ANO6: variants seen among roughly 807,000 people sequenced by gnomAD.
ANO6 encodes the protein anoctamin-6.
In ANO6, 106 loss-of-function variants were observed where a neutral mutation model predicts 117.5. That is an observed-to-expected ratio of 0.90 (90% CI 0.77 to 1.06). The LOEUF (loss-of-function observed/expected upper bound fraction) is 1.06. Ranked by LOEUF, ANO6 falls within the 50% of genes least tolerant of loss-of-function variation. The probability of loss-of-function intolerance (pLI) is 0.00; values close to 1 mark genes in which losing one functional copy is unlikely to be tolerated. For missense variants in ANO6, 955 were observed against 1,121.1 expected, an observed-to-expected ratio of 0.85 and a Z score of 2.12; for synonymous variants, 367 against 385.1, an observed-to-expected ratio of 0.95 and a Z score of 0.55.
At chr12:45,347,257 T>A (rs1941159870) in intron 4 of ANO6, 170 bp downstream of exon 4, 2 of 627,366 alleles carry the variant, frequency 3.2e-6, no homozygotes, top group Admixed American at 2.7e-5. Flanking sequence ...ATTCTTTTTT[T>A]CTGATCAAAA....
intron 1 of ANO6, among the ~76,000 whole-genome samples, chr12:45,244,376 G>A (rs1947790529): frequency 7.2e-6 from 1 of 138,808 alleles, no homozygotes; most frequent in Non-Finnish European, 1.6e-5. Context: ...TGCCCAAGCA[G>A]CGGTTACTAC....
At chr12:45,380,676 G>A (rs1025653187) in intron 10 of ANO6, among the ~76,000 whole-genome samples, 4 of 152,180 alleles carry the variant, frequency 2.6e-5, no homozygotes, top group African/African-American at 9.7e-5. Flanking sequence ...CCTTGAATTA[G>A]GAGGTTGGAA....
chr12:45,319,124 T>C (rs576802598), intron 2 of ANO6, among the ~76,000 whole-genome samples: 1 of 152,324 alleles, frequency 6.6e-6, no homozygotes, highest in East Asian at 1.9e-4. Flanking sequence ...TCCTGCCTGA[T>C]TGCCCTGGCC....
chr12:45,369,236 TA>T (rs773577618), intron 9 of ANO6, among the ~76,000 whole-genome samples: 13 of 152,138 alleles, frequency 8.5e-5, no homozygotes, highest in Non-Finnish European at 1.8e-4. Context: ...GACTTGAAGC[TA>T]GTAAGAGGGA....
chr12:45,398,531 A>G (rs1942692558), intron 12 of ANO6, among the ~76,000 whole-genome samples: 1 of 152,212 alleles, frequency 6.6e-6, no homozygotes, highest in Admixed American at 6.5e-5. Flanking sequence ...AGGACTTTCA[A>G]TCAGGAAATA....
chr12:45,220,752 T>C (rs1304586400), intron 1 of ANO6, among the ~76,000 whole-genome samples: 2 of 152,194 alleles, frequency 1.3e-5, no homozygotes, highest in African/African-American at 4.8e-5. Context: ...TGGCAGCCCC[T>C]AGGTAGCTTC....
At chr12:45,274,595 G>A (rs1938489524) in intron 1 of ANO6, among the ~76,000 whole-genome samples, 1 of 152,068 alleles carries the variant, frequency 6.6e-6, no homozygotes, top group Non-Finnish European at 1.5e-5. Flanking sequence ...TCATAGAACA[G>A]TCACAGTGAT....
At chr12:45,266,286 T>C (rs1477530091) in intron 1 of ANO6, among the ~76,000 whole-genome samples, 2 of 152,164 alleles carry the variant, frequency 1.3e-5, no homozygotes, top group African/African-American at 4.8e-5. Context: ...ATCTCTAAAC[T>C]CCAGTTTTTA....
chr12:45,375,852 A>C (rs1175364586), intron 9 of ANO6, among the ~76,000 whole-genome samples: 1 of 149,856 alleles, frequency 6.7e-6, no homozygotes, highest in Admixed American at 6.6e-5. Flanking sequence ...AAAATTGACA[A>C]ATGGGATCTA....
At chr12:45,316,035 A>G (rs531306929) in intron 2 of ANO6, among the ~76,000 whole-genome samples, 13 of 152,198 alleles carry the variant, frequency 8.5e-5, no homozygotes, top group African/African-American at 3.1e-4. Context: ...ATTCCTTTAA[A>G]AATAAAAATC....
At chr12:45,235,547 A>G (rs1385067157) in intron 1 of ANO6, among the ~76,000 whole-genome samples, 2 of 152,168 alleles carry the variant, frequency 1.3e-5, no homozygotes, top group African/African-American at 4.8e-5. Context: ...AGGGCTGAGG[A>G]ATGACCTAGT....
chr12:45,267,307 C>T (rs1938250863), intron 1 of ANO6, among the ~76,000 whole-genome samples: 1 of 152,040 alleles, frequency 6.6e-6, no homozygotes. Context: ...TTTCTGTGTC[C>T]AAATTTCTTC....
At chr12:45,327,165 T>G (rs1394782916) in intron 2 of ANO6, among the ~76,000 whole-genome samples, 3 of 151,104 alleles carry the variant, frequency 2.0e-5, no homozygotes, top group Admixed American at 1.3e-4. Flanking sequence ...TAATAAGCAC[T>G]CCACAAAAAA....
intron 1 of ANO6, among the ~76,000 whole-genome samples, chr12:45,236,474 A>G (rs533255147): frequency 7.1e-4 from 108 of 152,150 alleles, no homozygotes; most frequent in Non-Finnish European, 1.4e-3. Flanking sequence ...AAATGAGAAC[A>G]TGAGTTTGGT....
chr12:45,314,066 TTGAA>T (rs1939935047), intron 2 of ANO6, among the ~76,000 whole-genome samples: 1 of 152,000 alleles, frequency 6.6e-6, no homozygotes, highest in Non-Finnish European at 1.5e-5. Flanking sequence ...GGTTGGTTGA[TTGAA>T]TGAAAGACTA....
At chr12:45,280,183 A>T (rs1214238168) in intron 1 of ANO6, among the ~76,000 whole-genome samples, 1 of 152,210 alleles carries the variant, frequency 6.6e-6, no homozygotes. Flanking sequence ...CATCAAAGCC[A>T]TGTTTGAAAA....
Position 45,369,612 on chromosome 12 carries a change from G to A in ANO6, c.1104+1819G>A, listed in dbSNP as rs559399391. ...AGAAACATGAAAGAATATAAGTAAG[G>A]GGACTAAATGGAAAAAAAAAAGTTT... is the stretch of plus-strand genomic sequence containing the variant. On this transcript the variant is annotated intron_variant, in intron 9 of 19. Transcript: ENST00000320560. 1.1e-4 allele frequency among the ~76,000 whole-genome samples: 16 copies of A among 152,020 alleles called. No homozygotes were observed. The East Asian group carries it at 3.1e-3, about 29-fold the overall frequency.
At chr12:45,228,118 G>GTGT (rs1565631901) in intron 1 of ANO6, 3 of 355,750 alleles carry the variant, frequency 8.4e-6, no homozygotes, top group Admixed American at 7.5e-5. Context: ...TAGGCTTTTT[G>GTGT]TGTTGTTTTT....
At chr12:45,390,658 G>C (rs1450891821) in intron 12 of ANO6, among the ~76,000 whole-genome samples, 160 bp downstream of exon 12, 1 of 152,094 alleles carries the variant, frequency 6.6e-6, no homozygotes, top group Admixed American at 6.6e-5. Context: ...AACTATTTTA[G>C]CCACCACATA....
Sources: gnomAD v4.1 joint callset for allele counts (sites outside exome capture counted in the v4.1 genomes callset) on GRCh38, gnomAD v4.1.1 for gene constraint, MANE v1.5 for transcripts, NCBI Gene and HGNC (gene_info 2026-07-23, HGNC 2026-07-21) for gene names.